The following CLVS1 variants were observed in gnomAD, a reference collection of about 807,000 sequenced individuals.
CLVS1 encodes clavesin 1, also known as clavesin-1.
CLVS1 carries 10 observed loss-of-function variants against 33.1 expected under a neutral mutation model. That is an observed-to-expected ratio of 0.30 (90% confidence interval 0.19 to 0.51). The LOEUF (loss-of-function observed/expected upper bound fraction) is 0.51. Ranked by LOEUF, CLVS1 falls within the 20% of genes least tolerant of loss-of-function variation. The pLI, the probability that CLVS1 is intolerant of heterozygous loss-of-function variation, is 0.97. For synonymous variants in CLVS1, 163 were observed against 166.1 expected, an observed-to-expected ratio of 0.98 and a Z score of 0.14; for missense variants, 343 against 433.4, an observed-to-expected ratio of 0.79 and a Z score of 1.85.
intron 3 of CLVS1, among the ~76,000 whole-genome samples, chr8:61,453,096 T>TTA (rs10642132): frequency 0.08 from 12,212 of 151,866 alleles, 550 homozygotes; most frequent in Non-Finnish European, 0.089. Context: ...CATTTTTTTT[T>TTA]TTATTATACT....
intron 2 of CLVS1, among the ~76,000 whole-genome samples, chr8:61,258,905 C>A (rs537181733): frequency 6.6e-6 from 1 of 152,110 alleles, no homozygotes; most frequent in South Asian, 2.1e-4. Context: ...TTATACATTC[C>A]AAAGGTATAG....
At chr8:61,036,052 A>G in the CLVS1 span, among the ~76,000 whole-genome samples, 1 of 152,052 alleles carries the variant, frequency 6.6e-6, no homozygotes, top group South Asian at 2.1e-4. Flanking sequence ...CACGGCCTCC[A>G]CCACAATCTA....
At chr8:61,131,750 T>G (rs1806102821) in intron 1 of CLVS1, 1 of 152,110 alleles carries the variant, frequency 6.6e-6, no homozygotes, top group Non-Finnish European at 1.5e-5. Flanking sequence ...CCAGACTTTT[T>G]TTTTTCTTTT....
At chr8:61,056,518 C>G (rs1431218530), upstream of CLVS1, among the ~76,000 whole-genome samples, 1 of 152,166 alleles carries the variant, frequency 6.6e-6, no homozygotes, top group Non-Finnish European at 1.5e-5. Flanking sequence ...CAAACAAGAT[C>G]ATGATTACTC....
At chr8:61,371,878 A>G (rs1813453355) in intron 2 of CLVS1, among the ~76,000 whole-genome samples, 1 of 152,174 alleles carries the variant, frequency 6.6e-6, no homozygotes, top group African/African-American at 2.4e-5. Context: ...GTAGATAAAC[A>G]TTTACTAAGT....
intron 1 of CLVS1, among the ~76,000 whole-genome samples, chr8:61,125,317 G>T (rs949695897): frequency 6.6e-6 from 1 of 152,182 alleles, no homozygotes; most frequent in Non-Finnish European, 1.5e-5. Context: ...TGGATGGTTT[G>T]GGGGTCAGGG....
chr8:61,155,563 T>A lies in CLVS1; in HGVS notation c.-152+23703T>A, dbSNP rs983842456. Among the ~76,000 whole-genome samples, 16 of 152,174 alleles carry A rather than the reference T, an allele frequency of 1.1e-4. No homozygotes were observed. The South Asian group carries it at 1.5e-3, about 14-fold the overall frequency. On this transcript the variant is annotated intron_variant, in intron 2 of 2. Coordinates refer to the CLVS1 transcript ENST00000522621. ...ATGCCAGTAGGAACAATTTTTTTTT[T>A]AATTTCAGAATAAGACTTTTGAGTG...
intron 2 of CLVS1, among the ~76,000 whole-genome samples, chr8:61,143,338 G>A (rs1342748687): frequency 6.6e-6 from 1 of 152,128 alleles, no homozygotes; most frequent in African/African-American, 2.4e-5. Flanking sequence ...TTCAAGCAAG[G>A]CTATCTTCAG....
At chr8:61,456,942 A>T (rs2129607124) in intron 4 of CLVS1, among the ~76,000 whole-genome samples, 1 of 145,524 alleles carries the variant, frequency 6.9e-6, no homozygotes, top group East Asian at 2.1e-4. Context: ...ATACATATAG[A>T]TTTTTTTTTT....
At chr8:61,235,126 A>T (rs1334056796) in intron 2 of CLVS1, among the ~76,000 whole-genome samples, 1 of 151,984 alleles carries the variant, frequency 6.6e-6, no homozygotes, top group South Asian at 2.1e-4. Context: ...TGGAGAGAGC[A>T]TCTCAATGAC....
At chr8:61,166,572 T>G (rs1226632342) in intron 2 of CLVS1, among the ~76,000 whole-genome samples, 6 of 152,170 alleles carry the variant, frequency 3.9e-5, no homozygotes, top group Non-Finnish European at 7.3e-5. Flanking sequence ...AATTGTTTGT[T>G]TGCTTTCTCC....
intron 1 of CLVS1, among the ~76,000 whole-genome samples, chr8:61,067,951 C>A (rs1373813714): frequency 6.6e-6 from 1 of 151,488 alleles, no homozygotes; most frequent in Non-Finnish European, 1.5e-5. Flanking sequence ...AACAAACCTG[C>A]ACATGTACCC....
At chr8:61,119,530 T>C (rs1805812698) in intron 1 of CLVS1, among the ~76,000 whole-genome samples, 1 of 149,326 alleles carries the variant, frequency 6.7e-6, no homozygotes. Context: ...CTTTCCATGT[T>C]TAGCGCTTCC....
At chr8:61,289,332 C>A (rs1366641434) in intron 1 of CLVS1, among the ~76,000 whole-genome samples, 2 of 152,230 alleles carry the variant, frequency 1.3e-5, no homozygotes. Flanking sequence ...GAAGTTGGAA[C>A]ACCTTTCAAA....
chr8:61,013,290 G>T, the CLVS1 span, among the ~76,000 whole-genome samples: 1 of 152,166 alleles, frequency 6.6e-6, no homozygotes, highest in Admixed American at 6.5e-5. Flanking sequence ...AGAGAGCAGG[G>T]GGCTCCTTCC....
chr8:61,126,645 A>G (rs776408800), intron 1 of CLVS1, among the ~76,000 whole-genome samples: 46 of 152,232 alleles, frequency 3.0e-4, no homozygotes, highest in Non-Finnish European at 7.3e-5. Flanking sequence ...TACCTTAAGC[A>G]CCAAGGATTT....
chr8:61,043,213 C>T, the CLVS1 span, among the ~76,000 whole-genome samples: 68,888 of 152,074 alleles, frequency 0.45, 16,411 homozygotes, highest in African/African-American at 0.61. Flanking sequence ...AACATACTTA[C>T]CTTGGCAGAA....
At chr8:61,365,355 C>T (rs1311631053) in intron 2 of CLVS1, among the ~76,000 whole-genome samples, 4 of 152,068 alleles carry the variant, frequency 2.6e-5, no homozygotes, top group South Asian at 2.1e-4. Flanking sequence ...GGTGAAACCC[C>T]GTCTCTACCA....
At chr8:61,270,834 T>C (rs565257601) in intron 2 of CLVS1, among the ~76,000 whole-genome samples, 1 of 152,168 alleles carries the variant, frequency 6.6e-6, no homozygotes, top group African/African-American at 2.4e-5. Context: ...GATGGTAGTT[T>C]GTATTTCTGT....
Sources: gnomAD v4.1 joint callset for allele counts (sites outside exome capture counted in the v4.1 genomes callset) on GRCh38, gnomAD v4.1.1 for gene constraint, MANE v1.5 for transcripts, NCBI Gene and HGNC (gene_info 2026-07-23, HGNC 2026-07-21) for gene names.